The following PPP2R2C variants were observed in gnomAD, a reference collection of about 807,000 sequenced individuals.
PPP2R2C encodes the protein protein phosphatase 2, regulatory subunit B, gamma.
In PPP2R2C, 10 loss-of-function variants were observed where a neutral mutation model predicts 45.3. That is an observed-to-expected ratio of 0.22 (90% CI 0.14 to 0.37). The LOEUF (loss-of-function observed/expected upper bound fraction) is 0.37. Among genes scored for constraint, PPP2R2C ranks in the 10% least tolerant of loss-of-function variants. The pLI, the probability that PPP2R2C is intolerant of heterozygous loss-of-function variation, is 1.00. For synonymous variants in PPP2R2C, 257 were observed against 245.4 expected (o/e 1.05, Z -0.44); for missense variants, 308 against 619.7 (o/e 0.50, Z 5.34).
At chr4:6,495,644 T>C (rs1370069643) in intron 2 of PPP2R2C, among the ~76,000 whole-genome samples, 2 of 152,118 alleles carry the variant, frequency 1.3e-5, no homozygotes, top group African/African-American at 4.8e-5. Flanking sequence ...CACCTGGAAA[T>C]GGAGATAGTA....
At chr4:6,423,667 G>A (rs1719111786) in intron 1 of PPP2R2C, among the ~76,000 whole-genome samples, 1 of 152,228 alleles carries the variant, frequency 6.6e-6, no homozygotes, top group Non-Finnish European at 1.5e-5. Flanking sequence ...GTTGAAGTGA[G>A]AAAATGGGGG....
Position 6,393,683 on chromosome 4 carries a change from G to A in PPP2R2C, c.71-12589C>T, listed in dbSNP as rs190603834. On this transcript the variant is annotated intron_variant, in intron 1 of 8. Coordinates refer to ENST00000382599, the MANE Select transcript of PPP2R2C (RefSeq NM_020416.4). ...AAGGGACAGGGATCGGGGAGGCCAG[G>A]GGCTGTGGCTGCCAGTTTCTCCCTG... 5.9e-5 allele frequency among the ~76,000 whole-genome samples: 9 copies of A among 152,344 alleles called. 1 individual carries two copies. In the East Asian group the frequency reaches 1.7e-3, roughly 29 times the overall value.
At position 6,332,093 on chromosome 4, in the gene PPP2R2C, T is replaced by A. The variant is rs909066172; in HGVS notation, c.960+1469A>T. ...AGAATTTCAGAAAGCTGTGTCCCCC[T>A]CCCCCTGAAAATGCTCATAGAACAC... On this transcript the variant is annotated intron_variant, in intron 7 of 8. Transcript: ENST00000382599. The surrounding 1 kb of genome is among the most constrained non-coding windows in gnomAD (Gnocchi z 4.9). Among the ~76,000 whole-genome samples, 4 of 152,026 alleles carry A rather than the reference T, an allele frequency of 2.6e-5. No individual in the cohort carries two copies. Among genetic ancestry groups the A allele is most frequent in the Admixed American group, 2.6e-4 (4 of 15,262 alleles).
In PPP2R2C at chr4:6,324,693, G is replaced by A. The variant is rs549872660; in HGVS notation, c.1053-1100C>T. On this transcript the variant is annotated intron_variant, in intron 8 of 8. Transcript: ENST00000382599. The surrounding 1 kb of genome is among the most constrained non-coding windows in gnomAD (Gnocchi z 4.1). Reference sequence around the variant, plus strand: ...AGGGGCTCGCTGCCCTCACCGTCCCGCTAAAGAGAATTCCACACCATTTCT... The same window carrying A: ...AGGGGCTCGCTGCCCTCACCGTCCCACTAAAGAGAATTCCACACCATTTCT... 9.2e-5 allele frequency among the ~76,000 whole-genome samples: 14 copies of A among 152,314 alleles called. No individual in the cohort carries two copies. The highest frequency in any genetic ancestry group is 5.8e-4 in the East Asian group (3 of 5,170).
chr4:6,533,324 A>G (rs1724468587), intron 2 of PPP2R2C, among the ~76,000 whole-genome samples: 1 of 152,216 alleles, frequency 6.6e-6, no homozygotes, highest in Non-Finnish European at 1.5e-5. Context: ...TAAACTGCAG[A>G]GCCTCCCAGC....
chr4:6,512,294 CGGT>C (rs1338905729), intron 2 of PPP2R2C, among the ~76,000 whole-genome samples: 19 of 5,364 alleles, frequency 3.5e-3, no homozygotes, highest in South Asian at 6.1e-3. Flanking sequence ...GTGATGGTGG[CGGT>C]GGTGGTGGTG....
chr4:6,507,426 T>C (rs1370897929), intron 2 of PPP2R2C, among the ~76,000 whole-genome samples: 3 of 152,236 alleles, frequency 2.0e-5, no homozygotes, highest in Non-Finnish European at 4.4e-5. Flanking sequence ...CTGTGTGACT[T>C]AACAGTCCGT....
intron 2 of PPP2R2C, among the ~76,000 whole-genome samples, chr4:6,482,982 C>A (rs1324346124): frequency 1.8e-4 from 2 of 11,216 alleles, no homozygotes; most frequent in Non-Finnish European, 2.4e-3. Flanking sequence ...TTTGTGGTAT[C>A]TATTAATAAG....
chr4:6,496,017 A>G (rs1348648658), intron 2 of PPP2R2C, among the ~76,000 whole-genome samples: 2 of 152,052 alleles, frequency 1.3e-5, no homozygotes, highest in Admixed American at 6.5e-5. Flanking sequence ...TTGTGAACAC[A>G]TCACCCCAGT....
Position 6,335,526 on chromosome 4 carries a change from G to A in PPP2R2C, c.791-1795C>T, listed in dbSNP as rs184206759. On this transcript the variant is annotated intron_variant, in intron 6 of 8. Transcript: ENST00000382599. ...CACGCAGGATCTCATGGGCCACGGA[G>A]AGGGGTGAGGAAGTCACCATTAGGG... Among the ~76,000 whole-genome samples the A allele has an allele frequency of 3.8e-4, 58 of 152,280 alleles. 1 individual carries two copies. Among genetic ancestry groups the A allele is most frequent in the African/African-American group, 1.3e-3 (55 of 41,556 alleles).
intron 1 of PPP2R2C, among the ~76,000 whole-genome samples, chr4:6,427,723 G>A (rs546024804): frequency 6.6e-5 from 10 of 152,366 alleles, no homozygotes; most frequent in African/African-American, 2.4e-4. Flanking sequence ...AGCCCCTGGA[G>A]GCAAGGAGAG....
At chr4:6,432,460 C>T (rs1352349639) in intron 1 of PPP2R2C, among the ~76,000 whole-genome samples, 1 of 152,216 alleles carries the variant, frequency 6.6e-6, no homozygotes, top group Non-Finnish European at 1.5e-5. Flanking sequence ...TCGTTTCCCC[C>T]TCTCCCCTCT....
chr4:6,453,212 G>A (rs958713169), intron 1 of PPP2R2C, among the ~76,000 whole-genome samples: 11 of 152,120 alleles, frequency 7.2e-5, no homozygotes, highest in African/African-American at 2.7e-4. Context: ...CTGGAGATAC[G>A]GAGTTGAGGG....
intron 5 of PPP2R2C, among the ~76,000 whole-genome samples, chr4:6,348,442 T>A (rs939462717): frequency 6.6e-6 from 1 of 152,060 alleles, no homozygotes; most frequent in Non-Finnish European, 1.5e-5. Context: ...TGGTGAATGA[T>A]TTCAAGTCTT....
At chr4:6,339,491 TG>T (rs1319565465) in intron 6 of PPP2R2C, among the ~76,000 whole-genome samples, 3 of 152,272 alleles carry the variant, frequency 2.0e-5, no homozygotes, top group African/African-American at 4.8e-5. Context: ...GGCCCCTGTG[TG>T]CCCGTGGCAC....
intron 2 of PPP2R2C, among the ~76,000 whole-genome samples, chr4:6,479,828 A>G (rs1282193122): frequency 2.0e-5 from 3 of 152,122 alleles, no homozygotes; most frequent in Admixed American, 6.5e-5. Context: ...TTGATTCAAA[A>G]GGAATCAATA....
In PPP2R2C at chr4:6,374,064, T is replaced by A. The variant is rs558792233; in HGVS notation, c.448-1364A>T. 1.1e-3 allele frequency among the ~76,000 whole-genome samples: 173 copies of A among 152,216 alleles called. 1 individual carries two copies. Among genetic ancestry groups the A allele is most frequent in the African/African-American group, 3.9e-3 (161 of 41,526 alleles). ...CTCCAAGGCATCCTCCCTGCACGTA[T>A]TCCTGTGTCAGATATTTTAGCTATG... On this transcript the variant is annotated intron_variant, in intron 4 of 8. Coordinates refer to ENST00000382599, the MANE Select transcript of PPP2R2C (RefSeq NM_020416.4).
At chr4:6,497,718 A>C (rs1206479340) in intron 2 of PPP2R2C, among the ~76,000 whole-genome samples, 1 of 152,208 alleles carries the variant, frequency 6.6e-6, no homozygotes, top group Non-Finnish European at 1.5e-5. Context: ...ATGCAGGGAG[A>C]ATGCATTTGC....
chr4:6,512,444 CGGTGGT>C (rs1232511833), intron 2 of PPP2R2C, among the ~76,000 whole-genome samples: 2 of 6,668 alleles, frequency 3.0e-4, no homozygotes, highest in Non-Finnish European at 6.3e-4. Flanking sequence ...GTGATGGTGG[CGGTGGT>C]GGTGGTGGTG....
Sources: gnomAD v4.1 joint callset for allele counts (sites outside exome capture counted in the v4.1 genomes callset) on GRCh38, gnomAD v4.1.1 for gene constraint, Gnocchi (gnomAD v3.1) non-coding constraint, MANE v1.5 for transcripts, NCBI Gene and HGNC (gene_info 2026-07-23, HGNC 2026-07-21) for gene names.